The following NR3C2 variants were observed in gnomAD, a reference collection of about 807,000 sequenced individuals.
NR3C2 encodes the protein mineralocorticoid receptor.
A neutral mutation model predicts 86.4 loss-of-function variants in NR3C2; 15 were observed. The ratio of observed to expected loss-of-function variants is 0.17; its 90% confidence interval spans 0.12 to 0.27. The LOEUF is 0.27. Among genes scored for constraint, NR3C2 ranks in the 10% least tolerant of loss-of-function variants. The pLI is 1.00. For missense variants in NR3C2, 960 were observed against 1,195.6 expected, an observed-to-expected ratio of 0.80 and a Z score of 2.91; for synonymous variants, 458 against 450.5, an observed-to-expected ratio of 1.02 and a Z score of -0.21.
At chr4:148,263,005 CTGG>C (rs1319447256) in intron 2 of NR3C2, among the ~76,000 whole-genome samples, 2 of 152,184 alleles carry the variant, frequency 1.3e-5, no homozygotes, top group Non-Finnish European at 2.9e-5. Flanking sequence ...AGCTGATCTT[CTGG>C]TTTCTCTTTG....
chr4:148,409,469 G>A (rs1438658636), intron 2 of NR3C2, among the ~76,000 whole-genome samples: 1 of 152,018 alleles, frequency 6.6e-6, no homozygotes, highest in Admixed American at 6.6e-5. Context: ...CTAGACTTAG[G>A]CCTTATCTGT....
intron 2 of NR3C2, among the ~76,000 whole-genome samples, chr4:148,313,468 AACT>A (rs1178322014): frequency 1.3e-5 from 2 of 152,192 alleles, no homozygotes; most frequent in Non-Finnish European, 2.9e-5. Flanking sequence ...GTAAGCTAAA[AACT>A]ACTAATAAAA....
intron 2 of NR3C2, among the ~76,000 whole-genome samples, chr4:148,372,852 C>T (rs964969891): frequency 6.6e-6 from 1 of 152,184 alleles, no homozygotes; most frequent in Non-Finnish European, 1.5e-5. Flanking sequence ...CTTTTAAGAA[C>T]TTTCTTCCTT....
intron 4 of NR3C2, among the ~76,000 whole-genome samples, chr4:148,164,506 G>A (rs1193028154): frequency 6.6e-6 from 1 of 152,144 alleles, no homozygotes; most frequent in Non-Finnish European, 1.5e-5. Flanking sequence ...GAAGACTGAT[G>A]TATGTGCATG....
intron 6 of NR3C2, among the ~76,000 whole-genome samples, chr4:148,142,657 A>T (rs1027173402): frequency 6.6e-6 from 1 of 152,038 alleles, no homozygotes; most frequent in Non-Finnish European, 1.5e-5. Flanking sequence ...ACCACGCCAG[A>T]CTAATTTTTT....
chr4:148,130,840 T>C (rs1560937020), intron 6 of NR3C2, among the ~76,000 whole-genome samples: 1 of 125,866 alleles, frequency 7.9e-6, no homozygotes, highest in South Asian at 2.5e-4. Context: ...TTTTTTTTTT[T>C]TGAGACAGAG....
In NR3C2 at chr4:148,149,921, G is replaced by T. The variant is rs1734030755; in HGVS notation, c.2510+2548C>A. On this transcript the variant is annotated intron_variant, in intron 6 of 8. Transcript: ENST00000358102. ...AAAAAAGTGCTGGCAAGGATGCAGA[G>T]AAATTAGAACCCTTGTACATTGCTG... 2.0e-5 allele frequency among the ~76,000 whole-genome samples: 3 copies of T among 152,304 alleles called. No individual in the cohort carries two copies. The South Asian group carries it at 6.2e-4, about 32-fold the overall frequency.
rs376589485 is a variant in NR3C2 at position 148,082,085 on chromosome 4, G to A, written c.2800-586C>T. On this transcript the variant is annotated intron_variant, in intron 8 of 8. Coordinates refer to ENST00000358102, the MANE Select transcript of NR3C2 (RefSeq NM_000901.5). The stretch of plus-strand genomic sequence containing the variant: ...TTCCTTCTTTGTGGGTGCCTGCCCT[G>A]TAGGGGCAGACCTGAGACTCTTCAG... Among the ~76,000 whole-genome samples the A allele has an allele frequency of 4.9e-4, 74 of 152,346 alleles. No individual in the cohort carries two copies. In the South Asian group the frequency reaches 0.015, roughly 31 times the overall value.
At chr4:148,127,356 C>G (rs1430601463) in intron 6 of NR3C2, among the ~76,000 whole-genome samples, 1 of 152,178 alleles carries the variant, frequency 6.6e-6, no homozygotes, top group Non-Finnish European at 1.5e-5. Flanking sequence ...ACAGAATATA[C>G]TCTTTGCTAC....
At chr4:148,153,229 A>G (rs992910030) in intron 5 of NR3C2, among the ~76,000 whole-genome samples, 3 of 126,520 alleles carry the variant, frequency 2.4e-5, no homozygotes, top group Admixed American at 1.7e-4. Context: ...TCTGTCGCCC[A>G]GGCTGGAGTT....
chr4:148,426,986 C>T (rs1749569330), intron 2 of NR3C2, among the ~76,000 whole-genome samples: 1 of 151,192 alleles, frequency 6.6e-6, no homozygotes, highest in Non-Finnish European at 1.5e-5. Flanking sequence ...GAGAGAATCT[C>T]GCTCTGTCAC....
intron 2 of NR3C2, among the ~76,000 whole-genome samples, chr4:148,275,014 AAC>A (rs1186150686): frequency 2.0e-4 from 31 of 152,168 alleles, no homozygotes; most frequent in African/African-American, 7.2e-4. Flanking sequence ...AGTTCTTTAT[AAC>A]AGTGTGAAAA....
intron 2 of NR3C2, among the ~76,000 whole-genome samples, chr4:148,399,169 G>A (rs529137423): frequency 6.6e-6 from 1 of 152,200 alleles, no homozygotes; most frequent in South Asian, 2.1e-4. Context: ...TCTTGCCTCT[G>A]GCCTTTGTGT....
In NR3C2 at chr4:148,154,166, G is replaced by A. The variant is rs1262764952; in HGVS notation, c.2365+385C>T. Among the ~76,000 whole-genome samples the A allele has an allele frequency of 3.3e-5, 5 of 151,898 alleles. No homozygotes were observed. In the East Asian group the frequency reaches 7.7e-4, roughly 24 times the overall value. On this transcript the variant is annotated intron_variant, in intron 5 of 8. Coordinates refer to ENST00000358102, the MANE Select transcript of NR3C2 (RefSeq NM_000901.5). ...TGGGATTACAGGCACCTGCCACCAA[G>A]CAGGACTAATTTTTGTGTTTTTAGT...
chr4:148,197,185 T>C (rs1736481137), intron 3 of NR3C2, among the ~76,000 whole-genome samples: 1 of 152,324 alleles, frequency 6.6e-6, no homozygotes, highest in African/African-American at 2.4e-5. Context: ...TAATAAGACA[T>C]TGAAGATGCT....
At chr4:148,442,676 G>C (rs1750412604), upstream of NR3C2, 3 of 985,408 alleles carry the variant, frequency 3.0e-6, no homozygotes, top group Non-Finnish European at 3.6e-6. Flanking sequence ...CGGGCGACAT[G>C]ACTGATACAA....
intron 3 of NR3C2, among the ~76,000 whole-genome samples, chr4:148,234,170 C>T (rs1307278106): frequency 6.6e-6 from 1 of 152,160 alleles, no homozygotes; most frequent in East Asian, 1.9e-4. Flanking sequence ...TGCTAAGCAT[C>T]CTAACATAAA....
chr4:148,415,934 T>C (rs1437660578), intron 2 of NR3C2, among the ~76,000 whole-genome samples: 1 of 152,200 alleles, frequency 6.6e-6, no homozygotes, highest in South Asian at 2.1e-4. Context: ...TTTCGAGGCA[T>C]TTTCTTCCAC....
chr4:148,102,554 A>C, intron 8 of NR3C2, among the ~76,000 whole-genome samples: 1 of 149,668 alleles, frequency 6.7e-6, no homozygotes. Context: ...TCCTCTCTCA[A>C]CCTCCCCATC....
Sources: allele counts gnomAD v4.1 joint callset (sites outside exome capture counted in the v4.1 genomes callset), GRCh38; gene constraint gnomAD v4.1.1; transcripts MANE v1.5; gene names NCBI Gene and HGNC (gene_info 2026-07-23, HGNC 2026-07-21).